Variants in CARHSP1 observed in about 807,000 individuals in gnomAD.
The protein encoded by CARHSP1 is calcium regulated heat stable protein 1.
Under a neutral mutation model 12.5 loss-of-function variants are expected in CARHSP1, and 14 were observed. That is an observed-to-expected ratio of 1.12 (90% CI 0.74 to 1.75). CARHSP1 has a LOEUF of 1.75. CARHSP1 is among the 40% of genes most tolerant of loss of function. The pLI, the probability that CARHSP1 is intolerant of heterozygous loss-of-function variation, is 0.00. For synonymous variants in CARHSP1, 161 were observed against 82.0 expected, an observed-to-expected ratio of 1.96 and a Z score of -5.20; for missense variants, 343 against 201.6, an observed-to-expected ratio of 1.70 and a Z score of -4.25.
At chr16:8,861,989 C>CTTTTTTTTTT (rs537614451) in intron 1 of CARHSP1, among the ~76,000 whole-genome samples, 1,214 of 79,606 alleles carry the variant, frequency 0.015, 141 homozygotes, top group East Asian at 0.024. Flanking sequence ...GCATAGCTGA[C>CTTTTTTTTTT]TTTTTTTTTT....
At chr16:8,855,445 C>G in intron 3 of CARHSP1, 119 bp from the exon 4 acceptor site, 1 of 846,090 alleles carries the variant, frequency 1.2e-6, no homozygotes. Flanking sequence ...GACCAACCAC[C>G]GGGAACCTCT....
intron 1 of CARHSP1, chr16:8,861,752 T>C (rs1167724344): frequency 3.9e-6 from 5 of 1,284,552 alleles, no homozygotes; most frequent in Non-Finnish European, 4.1e-6. Flanking sequence ...CCCCAGCTGC[T>C]GGCCTGGGGG....
intron 1 of CARHSP1, chr16:8,860,593 G>C: frequency 3.5e-6 from 3 of 861,058 alleles, no homozygotes; most frequent in Non-Finnish European, 4.2e-6. Context: ...GGGGCAGCTG[G>C]GTGGGCATCA....
In CARHSP1 at chr16:8,858,390, G is replaced by GGGT; in HGVS notation, c.240_241insACC (p.Thr80dup). Reference sequence around the variant, plus strand: ...AAGATGTCGGGGCCGCCATCAGCTGGAGTAATGAAGCCATGGCCCTTGGAC... The same window carrying GGGT: ...AAGATGTCGGGGCCGCCATCAGCTGGGGTAGTAATGAAGCCATGGCCCTTGGAC... On this transcript the variant is annotated inframe_insertion, in exon 3 of 4. Transcript: ENST00000311052. 6.2e-7 allele frequency: 1 copy of GGGT among 1,614,066 alleles called. No individual in the cohort carries two copies. The highest frequency in any genetic ancestry group is 8.5e-7 in the Non-Finnish European group (1 of 1,180,026).
chr16:8,863,112 C>CTTTTTTTTTTTTTT (rs71155412), intron 1 of CARHSP1, among the ~76,000 whole-genome samples: 3 of 74,130 alleles, frequency 4.0e-5, no homozygotes, highest in Non-Finnish European at 4.6e-5. Flanking sequence ...ACAAGGATGG[C>CTTTTTTTTTTTTTT]TTTTTTTTTT....
At chr16:8,865,771 G>A (rs1024101913) in intron 1 of CARHSP1, among the ~76,000 whole-genome samples, 6 of 152,314 alleles carry the variant, frequency 3.9e-5, no homozygotes, top group African/African-American at 1.4e-4. Flanking sequence ...CTACATGCAC[G>A]TAAACATCGA....
chr16:8,856,967 AC>A (rs1220873974), intron 3 of CARHSP1, among the ~76,000 whole-genome samples: 2 of 151,928 alleles, frequency 1.3e-5, no homozygotes, highest in African/African-American at 4.8e-5. Context: ...GAGGAGAAAG[AC>A]CCACCCCAAA....
At chr16:8,858,145 C>G in intron 3 of CARHSP1, 1 of 618,882 alleles carries the variant, frequency 1.6e-6, no homozygotes, top group Non-Finnish European at 2.8e-6. Context: ...CTCACATCCC[C>G]CAACACAGCT....
rs530274609 is a variant in CARHSP1, at chr16:8,861,522, G to T, written c.-7-2187C>A. 6.7e-6 allele frequency: 7 copies of T among 1,046,524 alleles called. No homozygotes were observed. The African/African-American group carries it at 1.2e-4, about 17-fold the overall frequency. 64.8% of individuals were successfully genotyped at this position (1,046,524 alleles called of 1,614,324 possible). On this transcript the variant is annotated intron_variant, in intron 1 of 3. Transcript: ENST00000311052. ...GCATAGCCACCCAAGAACCAGGCCC[G>T]ACTGCTCAGAGGAGAAGGGATGCCC...
intron 1 of CARHSP1, among the ~76,000 whole-genome samples, chr16:8,863,112 CTTTTT>C (rs71155412): frequency 1.4e-3 from 102 of 74,136 alleles, no homozygotes; most frequent in African/African-American, 3.8e-3. Context: ...ACAAGGATGG[CTTTTT>C]TTTTTTTTTT....
intron 3 of CARHSP1, 131 bp downstream of exon 3, chr16:8,858,219 G>A (rs1044740654): frequency 9.1e-6 from 10 of 1,101,592 alleles, no homozygotes; most frequent in Admixed American, 7.6e-5. Context: ...ACCAGCCACA[G>A]GCAGAGTCAC....
chr16:8,860,060 C>T (rs2061301066), intron 1 of CARHSP1: 7 of 843,092 alleles, frequency 8.3e-6, no homozygotes, highest in Non-Finnish European at 1.0e-5. Context: ...CTCCCTGACG[C>T]TGCTGGGAGC....
At chr16:8,860,534 T>C in intron 1 of CARHSP1, 4 of 985,270 alleles carry the variant, frequency 4.1e-6, no homozygotes, top group Non-Finnish European at 4.8e-6. Flanking sequence ...CAGAGGCCCT[T>C]GGGTAAGTCC....
chr16:8,859,442 C>G (rs542747036), intron 1 of CARHSP1, 107 bp from the exon 2 acceptor site: 3 of 1,002,150 alleles, frequency 3.0e-6, no homozygotes, highest in East Asian at 2.7e-5. Context: ...TCATTCCTCT[C>G]GGGCACCTCA....
At chr16:8,862,694 C>T (rs1213064945) in intron 1 of CARHSP1, among the ~76,000 whole-genome samples, 1 of 152,126 alleles carries the variant, frequency 6.6e-6, no homozygotes, top group East Asian at 1.9e-4. Context: ...TGCAAAGGCC[C>T]TGAGGGCCCG....
intron 1 of CARHSP1, chr16:8,866,371 G>A (rs1249792586): frequency 2.2e-6 from 2 of 906,086 alleles, no homozygotes; most frequent in African/African-American, 1.8e-5. Flanking sequence ...GGAGGTGGAA[G>A]GGAAATGGCG....
Position 8,854,983 on chromosome 16 carries a change from G to A in CARHSP1, c.*181C>T, listed in dbSNP as rs996675565. ...TGCAATGGTCATAGGCTGTGCTGATGGCCGGGAACACCCCACACCCCACAC... is the reference window on the plus strand; with the variant it reads ...TGCAATGGTCATAGGCTGTGCTGATAGCCGGGAACACCCCACACCCCACAC... On this transcript the variant is annotated 3_prime_UTR_variant, in exon 4 of 4. Transcript: ENST00000311052. The A allele has an allele frequency of 2.7e-5, 13 of 488,802 alleles. No individual in the cohort carries two copies. Among genetic ancestry groups the A allele is most frequent in the African/African-American group, 9.8e-5 (5 of 50,828 alleles). 30.3% of individuals were successfully genotyped at this position (488,802 alleles called of 1,614,324 possible).
At chr16:8,868,754 T>C (rs2061486983) in intron 1 of CARHSP1, 1 of 151,934 alleles carries the variant, frequency 6.6e-6, no homozygotes, top group Non-Finnish European at 1.5e-5. Flanking sequence ...CTTGCCGCTG[T>C]TGCCACACCC....
rs149237958 is a variant in CARHSP1, at chr16:8,861,674, C to G, written c.-7-2339G>C. The G allele has an allele frequency of 1.8e-4, 238 of 1,289,098 alleles. 1 individual carries two copies. In the East Asian group the frequency reaches 0.012, roughly 63 times the overall value. The allele number at this position is 1,289,098 out of a possible 1,614,324, so 79.9% of individuals were successfully genotyped here. ...AGGAGGTGGCATCCTACCTCCTGTC[C>G]CTTCTCTCAGCTACAGCCGCGGCCA... On this transcript the variant is annotated intron_variant, in intron 1 of 3. Transcript: ENST00000311052.
Sources: allele counts gnomAD v4.1 joint callset (sites outside exome capture counted in the v4.1 genomes callset), GRCh38; gene constraint gnomAD v4.1.1; transcripts MANE v1.5; gene names NCBI Gene and HGNC (gene_info 2026-07-23, HGNC 2026-07-21).